Variants in PPP1R8 observed in about 807,000 individuals in gnomAD.
The protein encoded by PPP1R8 is protein phosphatase 1 regulatory subunit 8.
PPP1R8 carries 4 observed loss-of-function variants against 31.3 expected under a neutral mutation model. The observed-to-expected ratio is 0.13, with a 90% CI of 0.06 to 0.29. PPP1R8 has a LOEUF of 0.29. PPP1R8 is among the 10% of genes least tolerant of loss of function. The probability of loss-of-function intolerance (pLI) is 1.00; values close to 1 mark genes in which losing one functional copy is unlikely to be tolerated. For missense variants in PPP1R8, 254 were observed against 440.1 expected (o/e 0.58, Z 3.78); for synonymous variants, 170 against 169.7 (o/e 1.00, Z -0.01).
intron 4 of PPP1R8, among the ~76,000 whole-genome samples, chr1:27,842,476 C>G (rs1307900125): frequency 6.6e-6 from 1 of 152,144 alleles, no homozygotes; most frequent in Non-Finnish European, 1.5e-5. Context: ...TGCTATACTT[C>G]CATGGCTTTT....
intron 4 of PPP1R8, 27 bp from the exon 5 acceptor site, chr1:27,843,159 G>A: frequency 6.2e-7 from 1 of 1,613,672 alleles, no homozygotes; most frequent in Non-Finnish European, 8.5e-7. Flanking sequence ...ACTGACTGCT[G>A]TCTTTCCTGT....
Position 27,850,137 on chromosome 1 carries a change from A to C in PPP1R8, c.747A>C (p.Ser249=), listed in dbSNP as rs747824774. The change falls in exon 7 of 7, where the codon TCA becomes TCC. Residue 249 remains serine, a synonymous_variant. Coordinates refer to ENST00000311772, the MANE Select transcript of PPP1R8 (RefSeq NM_014110.5). Reference sequence around the variant, plus strand: ...CTGGCTCCCTGGGCCTGGAGGAATCAGGGAGCAGGCGCATGCAGAACTTTG... The same window carrying C: ...CTGGCTCCCTGGGCCTGGAGGAATCCGGGAGCAGGCGCATGCAGAACTTTG... ...EGPGSLGLEE[S]GSRRMQNFAF... 4.1e-5 allele frequency: 65 copies of C among 1,604,092 alleles called. No homozygotes were observed. In the Admixed American group the frequency reaches 4.9e-4, roughly 12 times the overall value.
chr1:27,845,763 TTTTC>T lies in PPP1R8; in HGVS notation c.638-1245_638-1242del, dbSNP rs763071481. 1.8e-3 allele frequency among the ~76,000 whole-genome samples: 261 copies of T among 142,940 alleles called. 2 individuals carry two copies. The highest frequency in any genetic ancestry group is 6.0e-3 in the African/African-American group (228 of 37,834). The allele number at this position is 142,940 out of a possible 152,430, so 93.8% of individuals were successfully genotyped here. ...GTTTTCCAAAGGGATTTCTGGGAGT[TTTTC>T]TTTCTTTCTTTCTTTCTTTTTTTTT... is the stretch of plus-strand genomic sequence containing the variant. On this transcript the variant is annotated intron_variant, in intron 5 of 6. Coordinates refer to ENST00000311772, the MANE Select transcript of PPP1R8 (RefSeq NM_014110.5).
intron 2 of PPP1R8, 22 bp downstream of exon 2, chr1:27,832,838 T>C: frequency 6.3e-7 from 1 of 1,585,166 alleles, no homozygotes; most frequent in African/African-American, 1.3e-5. Flanking sequence ...CATGTCTTAC[T>C]TTTTTGGCTG....
intron 3 of PPP1R8, among the ~76,000 whole-genome samples, chr1:27,839,209 C>A (rs368510198): frequency 2.6e-4 from 39 of 152,190 alleles, no homozygotes; most frequent in African/African-American, 9.2e-4. Flanking sequence ...GGTGACAGAA[C>A]AAGACCCCAT....
Position 27,851,260 on chromosome 1 carries a change from G to GA in PPP1R8, c.*818dup, listed in dbSNP as rs1399993739. Reference sequence around the variant, plus strand: ...AGTTGGGGTAATTCAAATTAAAAAGGAAAAGATTTGTTTGGAAGTAACTGG... The same window carrying GA: ...AGTTGGGGTAATTCAAATTAAAAAGGAAAAAGATTTGTTTGGAAGTAACTGG... On this transcript the variant is annotated 3_prime_UTR_variant, in exon 7 of 7. Coordinates refer to ENST00000311772, the MANE Select transcript of PPP1R8 (RefSeq NM_014110.5). 3.4e-6 allele frequency: 1 copy of GA among 290,672 alleles called. No individual in the cohort carries two copies. The allele number at this position is 290,672 out of a possible 1,614,324, so 18.0% of individuals were successfully genotyped here. A position where few individuals can be genotyped will look rare whatever the true frequency, so the allele number is the denominator to read the frequency against.
At chr1:27,837,781 A>G (rs1414839033) in intron 2 of PPP1R8, among the ~76,000 whole-genome samples, 1 of 151,292 alleles carries the variant, frequency 6.6e-6, no homozygotes, top group Admixed American at 6.6e-5. Context: ...TCTCAAAAAA[A>G]AAAAAAAGAA....
In PPP1R8 at chr1:27,850,269, A is replaced by G. The variant is rs772499681; in HGVS notation, c.879A>G (p.Pro293=). The G allele has an allele frequency of 6.2e-7, 1 of 1,614,078 alleles. No homozygotes were observed. The highest frequency in any genetic ancestry group is 8.5e-7 in the Non-Finnish European group (1 of 1,180,042). Residue 293 remains proline (P), a synonymous_variant, in exon 7 of 7, where the codon CCA becomes CCG. Transcript: ENST00000311772. The stretch of plus-strand genomic sequence containing the variant: ...CACTCATCGGTGGCTTGCCCATGCC[A>G]TACCCAAACCTTGCCCCTGATGTGG... ...GTALIGGLPM[P]YPNLAPDVDL... is the part of the protein sequence containing the mutation.
chr1:27,849,365 C>A (rs370895469), intron 6 of PPP1R8, among the ~76,000 whole-genome samples: 2,245 of 134,486 alleles, frequency 0.017, 59 homozygotes, highest in African/African-American at 0.063. Context: ...GAGTGAAACT[C>A]TGTCTCAAAA....
intron 2 of PPP1R8, among the ~76,000 whole-genome samples, chr1:27,836,203 G>A (rs1214769229): frequency 6.6e-6 from 1 of 152,134 alleles, no homozygotes; most frequent in African/African-American, 2.4e-5. Flanking sequence ...ATGTTTAAAG[G>A]AAAAACACAA....
intron 1 of PPP1R8, 112 bp downstream of exon 1, chr1:27,831,003 GA>G: frequency 1.1e-5 from 16 of 1,431,594 alleles, no homozygotes; most frequent in Non-Finnish European, 1.5e-5. Context: ...AGAAACCCCG[GA>G]ATGGTTGAGG....
intron 6 of PPP1R8, among the ~76,000 whole-genome samples, chr1:27,848,332 G>A (rs2089306196): frequency 6.6e-6 from 1 of 150,896 alleles, no homozygotes; most frequent in Admixed American, 6.6e-5. Context: ...GTGAACCCGG[G>A]GGGCAGAGCT....
At chr1:27,835,222 A>G (rs1284605456) in intron 2 of PPP1R8, among the ~76,000 whole-genome samples, 2 of 151,984 alleles carry the variant, frequency 1.3e-5, no homozygotes, top group Non-Finnish European at 2.9e-5. Context: ...ATGTTCCTTC[A>G]GCACAATCTG....
chr1:27,845,013 G>A (rs1358577051), intron 5 of PPP1R8, among the ~76,000 whole-genome samples: 2 of 143,240 alleles, frequency 1.4e-5, no homozygotes, highest in East Asian at 2.1e-4. Flanking sequence ...GATTACAGGC[G>A]TGAGCCACCA....
chr1:27,838,988 G>C (rs1414023238), intron 3 of PPP1R8, 136 bp downstream of exon 3: 7 of 960,864 alleles, frequency 7.3e-6, no homozygotes, highest in Non-Finnish European at 1.0e-5. Flanking sequence ...CTATTTCTGT[G>C]ATTTTTCTAT....
Position 27,851,328 on chromosome 1 carries a change from T to TC in PPP1R8, c.*888dup. On this transcript the variant is annotated 3_prime_UTR_variant, in exon 7 of 7. Transcript: ENST00000311772. The stretch of plus-strand genomic sequence containing the variant: ...TTTAGATGTCAGTTTGGAGGCTCTT[T>TC]CCCCCCTCAATTGAGAGCTCTTGTT... The TC allele has an allele frequency of 3.2e-6, 1 of 311,800 alleles. No homozygotes were observed. Among genetic ancestry groups the TC allele is most frequent in the South Asian group, 2.8e-5 (1 of 36,054 alleles). 19.3% of individuals were successfully genotyped at this position (311,800 alleles called of 1,614,324 possible).
At chr1:27,833,580 ATTAT>A (rs1159913814) in intron 2 of PPP1R8, among the ~76,000 whole-genome samples, 1 of 152,170 alleles carries the variant, frequency 6.6e-6, no homozygotes, top group Non-Finnish European at 1.5e-5. Context: ...TCCTTACGGT[ATTAT>A]TTATTTACCA....
rs568487855 is a variant in PPP1R8, at chr1:27,844,009, T to TTG, written c.637+690_637+691dup. 5.3e-5 allele frequency among the ~76,000 whole-genome samples: 8 copies of TTG among 152,260 alleles called. No homozygotes were observed. In the South Asian group the frequency reaches 1.7e-3, roughly 32 times the overall value. The stretch of plus-strand genomic sequence containing the variant: ...TTATATGTTTTTTAATTTTTCTTTT[T>TTG]TGTGTGTGTGTGAGACACGATCTCA... On this transcript the variant is annotated intron_variant, in intron 5 of 6. Coordinates refer to ENST00000311772, the MANE Select transcript of PPP1R8 (RefSeq NM_014110.5).
At chr1:27,837,502 C>T (rs780641344) in intron 2 of PPP1R8, among the ~76,000 whole-genome samples, 38 of 151,208 alleles carry the variant, frequency 2.5e-4, no homozygotes, top group Non-Finnish European at 4.6e-4. Context: ...TTGGGCCGGG[C>T]GCAGCGGTTG....
Sources: allele counts gnomAD v4.1 joint callset (sites outside exome capture counted in the v4.1 genomes callset), GRCh38; gene constraint gnomAD v4.1.1; transcripts MANE v1.5; gene names NCBI Gene and HGNC (gene_info 2026-07-23, HGNC 2026-07-21).